The following CSGALNACT1 variants were observed in gnomAD, a reference collection of about 807,000 sequenced individuals.
The protein encoded by CSGALNACT1 is beta4GalNAcT-1.
CSGALNACT1 carries 52 observed loss-of-function variants against 51.0 expected under a neutral mutation model. That is an observed-to-expected ratio of 1.02 (90% CI 0.82 to 1.29). CSGALNACT1 has a LOEUF of 1.29. Ranked by LOEUF, CSGALNACT1 falls within the 50% of genes most tolerant of loss-of-function variation. CSGALNACT1 has a pLI of 0.00. For missense variants in CSGALNACT1, 935 were observed against 679.2 expected, an observed-to-expected ratio of 1.38 and a Z score of -4.19; for synonymous variants, 341 against 254.4, an observed-to-expected ratio of 1.34 and a Z score of -3.24.
At chr8:19,647,930 C>T (rs1431862183) in intron 1 of CSGALNACT1, among the ~76,000 whole-genome samples, 1 of 152,188 alleles carries the variant, frequency 6.6e-6, no homozygotes, top group Non-Finnish European at 1.5e-5. Flanking sequence ...TTGTGCCAAT[C>T]TCAGACCCTG....
intron 8 of CSGALNACT1, among the ~76,000 whole-genome samples, chr8:19,411,475 C>T (rs985987970): frequency 6.6e-6 from 1 of 152,202 alleles, no homozygotes; most frequent in Admixed American, 6.5e-5. Flanking sequence ...GTCCCTAGGG[C>T]AGAGATGGTT....
chr8:19,630,758 C>A lies in CSGALNACT1; in HGVS notation c.-543-28893G>T, dbSNP rs545505611. Among the ~76,000 whole-genome samples, 8 of 152,282 alleles carry A rather than the reference C, an allele frequency of 5.3e-5. No individual in the cohort carries two copies. The South Asian group carries it at 1.7e-3, about 32-fold the overall frequency. Reference sequence around the variant, plus strand: ...TTTTTCAGACTGGCTTCTTTCACTACAATATGCATTCAAGCTTCCTCCAGG... The same window carrying A: ...TTTTTCAGACTGGCTTCTTTCACTAAAATATGCATTCAAGCTTCCTCCAGG... On this transcript the variant is annotated intron_variant, in intron 1 of 9. Coordinates refer to the CSGALNACT1 transcript ENST00000332246.
At chr8:19,552,499 T>A (rs2088414823) in intron 3 of CSGALNACT1, among the ~76,000 whole-genome samples, 1 of 152,174 alleles carries the variant, frequency 6.6e-6, no homozygotes, top group Admixed American at 6.5e-5. Context: ...GTTTCTTTTT[T>A]TTGTCTAATA....
intron 3 of CSGALNACT1, among the ~76,000 whole-genome samples, chr8:19,534,914 C>A (rs1386194914): frequency 6.6e-6 from 1 of 152,168 alleles, no homozygotes; most frequent in Non-Finnish European, 1.5e-5. Context: ...ATCCATTGCA[C>A]TTCGCCATAT....
chr8:19,423,257 G>C (rs1483867688), intron 6 of CSGALNACT1, among the ~76,000 whole-genome samples: 1 of 152,220 alleles, frequency 6.6e-6, no homozygotes, highest in East Asian at 1.9e-4. Flanking sequence ...CATTTGTATA[G>C]ATAGGCCAAA....
chr8:19,572,414 A>C (rs1212846748), intron 3 of CSGALNACT1, among the ~76,000 whole-genome samples: 1 of 152,226 alleles, frequency 6.6e-6, no homozygotes, highest in Non-Finnish European at 1.5e-5. Flanking sequence ...TTTTCAGAAC[A>C]GGTTAACATG....
intron 3 of CSGALNACT1, among the ~76,000 whole-genome samples, chr8:19,545,512 T>A (rs547639288): frequency 3.0e-4 from 45 of 152,252 alleles, no homozygotes; most frequent in African/African-American, 1.1e-3. Flanking sequence ...AAAAAGCAGA[T>A]GGCAAGTGTC....
At chr8:19,443,262 A>T (rs566703153) in intron 5 of CSGALNACT1, among the ~76,000 whole-genome samples, 1 of 152,350 alleles carries the variant, frequency 6.6e-6, no homozygotes, top group Non-Finnish European at 1.5e-5. Context: ...GTGTATGTGT[A>T]AATGTGAATA....
chr8:19,593,786 G>T (rs1220611227), intron 2 of CSGALNACT1, among the ~76,000 whole-genome samples: 3 of 152,190 alleles, frequency 2.0e-5, no homozygotes, highest in African/African-American at 7.2e-5. Flanking sequence ...TTCTGCTCAA[G>T]CATCACTTTT....
intron 1 of CSGALNACT1, among the ~76,000 whole-genome samples, chr8:19,614,693 T>G (rs1433237947): frequency 6.6e-6 from 1 of 152,202 alleles, no homozygotes; most frequent in African/African-American, 2.4e-5. Context: ...TTTAATAAAC[T>G]CTGATCAGAG....
chr8:19,657,473 C>G (rs2058385864), intron 1 of CSGALNACT1, among the ~76,000 whole-genome samples: 1 of 152,118 alleles, frequency 6.6e-6, no homozygotes, highest in South Asian at 2.1e-4. Context: ...AACAAACTCA[C>G]CATACCTAAT....
chr8:19,429,369 G>A (rs1371219627), intron 6 of CSGALNACT1, among the ~76,000 whole-genome samples: 1 of 151,960 alleles, frequency 6.6e-6, no homozygotes, highest in Non-Finnish European at 1.5e-5. Flanking sequence ...TAGATATGGG[G>A]TTTCACCATG....
intron 1 of CSGALNACT1, among the ~76,000 whole-genome samples, chr8:19,680,474 T>C (rs2060514965): frequency 6.7e-6 from 1 of 149,834 alleles, no homozygotes. Flanking sequence ...GACAATCACT[T>C]GAACCCAGGA....
At chr8:19,480,834 C>G (rs59399037) in intron 4 of CSGALNACT1, among the ~76,000 whole-genome samples, 1 of 152,146 alleles carries the variant, frequency 6.6e-6, no homozygotes, top group Non-Finnish European at 1.5e-5. Flanking sequence ...ACCAACAACA[C>G]TGGGAGGAAA....
intron 3 of CSGALNACT1, among the ~76,000 whole-genome samples, chr8:19,561,751 TG>T (rs2040775802): frequency 2.0e-5 from 3 of 152,200 alleles, no homozygotes; most frequent in African/African-American, 2.4e-5. Flanking sequence ...AAAGGGAATA[TG>T]CTGTGAAGCT....
At chr8:19,471,249 C>T (rs886884621) in intron 4 of CSGALNACT1, among the ~76,000 whole-genome samples, 3 of 152,132 alleles carry the variant, frequency 2.0e-5, no homozygotes, top group African/African-American at 7.2e-5. Context: ...TGCTCAATGC[C>T]AAAGGGTAAG....
At chr8:19,521,110 G>A (rs1426773856) in intron 3 of CSGALNACT1, among the ~76,000 whole-genome samples, 1 of 152,150 alleles carries the variant, frequency 6.6e-6, no homozygotes, top group Admixed American at 6.5e-5. Flanking sequence ...TTTCAAGGCA[G>A]AAAATTGAAA....
chr8:19,473,515 G>A (rs967487164), intron 4 of CSGALNACT1, among the ~76,000 whole-genome samples: 2 of 152,120 alleles, frequency 1.3e-5, no homozygotes, highest in African/African-American at 4.8e-5. Flanking sequence ...AACACCCATG[G>A]TACAGACTTG....
intron 1 of CSGALNACT1, among the ~76,000 whole-genome samples, chr8:19,703,308 G>A (rs2061982069): frequency 6.6e-6 from 1 of 152,032 alleles, no homozygotes; most frequent in South Asian, 2.1e-4. Flanking sequence ...TTGGTTTGTT[G>A]GTTGGTTGGT....
Sources: allele counts gnomAD v4.1 joint callset (sites outside exome capture counted in the v4.1 genomes callset), GRCh38; gene constraint gnomAD v4.1.1; transcripts MANE v1.5; gene names NCBI Gene and HGNC (gene_info 2026-07-23, HGNC 2026-07-21).